Variants in CCSER1 observed in about 807,000 individuals in gnomAD.
CCSER1 encodes serine-rich coiled-coil domain-containing protein 1.
CCSER1 carries 41 observed loss-of-function variants against 82.0 expected under a neutral mutation model. That is an observed-to-expected ratio of 0.50 (90% confidence interval 0.39 to 0.65). The LOEUF (loss-of-function observed/expected upper bound fraction) is 0.65. Ranked by LOEUF, CCSER1 falls within the 30% of genes least tolerant of loss-of-function variation. The pLI is 0.00. For synonymous variants in CCSER1, 414 were observed against 383.9 expected (o/e 1.08, Z -0.92); for missense variants, 1,119 against 1,064.2 (o/e 1.05, Z -0.72).
At chr4:90,657,107 T>C (rs1028025328) in intron 6 of CCSER1, among the ~76,000 whole-genome samples, 3 of 152,116 alleles carry the variant, frequency 2.0e-5, no homozygotes, top group African/African-American at 7.2e-5. Context: ...ACTTCCTTAA[T>C]ATTTATTTTA....
chr4:90,911,321 A>G (rs1159294550), intron 8 of CCSER1: 2 of 456,164 alleles, frequency 4.4e-6, no homozygotes, highest in Admixed American at 2.4e-5. Flanking sequence ...TGAAGATTCT[A>G]CTGATGTCTT....
At chr4:90,998,297 C>T (rs1581293258) in intron 9 of CCSER1, among the ~76,000 whole-genome samples, 2 of 152,106 alleles carry the variant, frequency 1.3e-5, no homozygotes, top group African/African-American at 4.8e-5. Context: ...TCAAGCTCGT[C>T]TCAAACTCCG....
intron 10 of CCSER1, among the ~76,000 whole-genome samples, chr4:91,162,637 C>T (rs934259299): frequency 9.2e-5 from 14 of 152,256 alleles, no homozygotes; most frequent in African/African-American, 3.1e-4. Context: ...AGATATTCAA[C>T]TTCTTCCTGG....
chr4:91,292,303 C>A (rs1743811037), intron 10 of CCSER1, among the ~76,000 whole-genome samples: 1 of 151,906 alleles, frequency 6.6e-6, no homozygotes, highest in Non-Finnish European at 1.5e-5. Flanking sequence ...ATGAATATTG[C>A]TGTTATTTCT....
chr4:90,821,910 G>A (rs1484993857), intron 8 of CCSER1, among the ~76,000 whole-genome samples: 2 of 152,052 alleles, frequency 1.3e-5, no homozygotes, highest in East Asian at 1.9e-4. Context: ...AAATGTTGAT[G>A]GTGAAGTGTA....
At chr4:91,093,514 C>G (rs1372460062) in intron 10 of CCSER1, among the ~76,000 whole-genome samples, 1 of 152,190 alleles carries the variant, frequency 6.6e-6, no homozygotes, top group Non-Finnish European at 1.5e-5. Flanking sequence ...CATGGGGGAC[C>G]TTTATACTTA....
intron 10 of CCSER1, among the ~76,000 whole-genome samples, chr4:91,236,927 C>T (rs1440033533): frequency 6.6e-6 from 1 of 152,148 alleles, no homozygotes; most frequent in Non-Finnish European, 1.5e-5. Context: ...ATGTCACTGA[C>T]ATGAGCAAGA....
rs1737801867 is a variant in CCSER1, at chr4:90,999,505, A to C, written c.2172+76058A>C. On this transcript the variant is annotated intron_variant, in intron 9 of 10. Transcript: ENST00000509176. ...AGTGATGATGAACATTCTTTTATAC[A>C]TTTGTTGGCTACTGTATATCTTCTT... Among the ~76,000 whole-genome samples the C allele has an allele frequency of 2.6e-5, 4 of 151,986 alleles. No individual in the cohort carries two copies. The South Asian group carries it at 8.3e-4, about 31-fold the overall frequency.
At chr4:90,230,206 A>G (rs1272196280) in intron 1 of CCSER1, among the ~76,000 whole-genome samples, 1 of 152,146 alleles carries the variant, frequency 6.6e-6, no homozygotes, top group South Asian at 2.1e-4. Context: ...TCCAAAATTG[A>G]CCACATACTT....
chr4:91,290,242 G>C (rs1001614995), intron 10 of CCSER1, among the ~76,000 whole-genome samples: 2 of 151,986 alleles, frequency 1.3e-5, no homozygotes, highest in Non-Finnish European at 2.9e-5. Context: ...TTAACACTGG[G>C]AGTGGAATGA....
At chr4:90,635,594 G>A (rs747356875) in intron 6 of CCSER1, among the ~76,000 whole-genome samples, 16 of 151,688 alleles carry the variant, frequency 1.1e-4, no homozygotes, top group Non-Finnish European at 2.1e-4. Flanking sequence ...GACTTTAAAT[G>A]TTTATATTCA....
chr4:91,087,753 G>A (rs1161706719), intron 10 of CCSER1, among the ~76,000 whole-genome samples: 1 of 152,066 alleles, frequency 6.6e-6, no homozygotes, highest in African/African-American at 2.4e-5. Flanking sequence ...TGACCAGAAA[G>A]TAAATGTCAA....
Position 90,169,793 on chromosome 4 carries a change from G to A in CCSER1, c.-42+41962G>A, listed in dbSNP as rs1578302438. 2.7e-5 allele frequency among the ~76,000 whole-genome samples: 4 copies of A among 147,180 alleles called. No homozygotes were observed. In the South Asian group the frequency reaches 6.6e-4, roughly 24 times the overall value. On this transcript the variant is annotated intron_variant, in intron 1 of 10. Coordinates refer to ENST00000509176, the MANE Select transcript of CCSER1 (RefSeq NM_001145065.2). The stretch of plus-strand genomic sequence containing the variant: ...CCTTTGTCTACATTCTTTAATTGTG[G>A]ATTTCTATGGGTGTTAATCACTGGG...
At chr4:90,468,202 G>A in intron 4 of CCSER1, 32 bp from the exon 5 acceptor site, 1 of 1,565,432 alleles carries the variant, frequency 6.4e-7, no homozygotes, top group Admixed American at 1.8e-5. Context: ...AAATAATTTT[G>A]ACATTTACAA....
At chr4:90,315,482 T>G (rs927318910) in intron 3 of CCSER1, among the ~76,000 whole-genome samples, 1 of 152,146 alleles carries the variant, frequency 6.6e-6, no homozygotes, top group African/African-American at 2.4e-5. Context: ...TTCAGTTACT[T>G]TACAGTTTAT....
chr4:91,075,840 A>AT (rs796352514), intron 9 of CCSER1, among the ~76,000 whole-genome samples: 9 of 151,626 alleles, frequency 5.9e-5, no homozygotes, highest in South Asian at 2.1e-4. Context: ...TTACAGTATG[A>AT]TTTTTTTTAA....
At chr4:91,466,361 A>G (rs186768341) in intron 10 of CCSER1, among the ~76,000 whole-genome samples, 1 of 152,300 alleles carries the variant, frequency 6.6e-6, no homozygotes, top group Non-Finnish European at 1.5e-5. Flanking sequence ...ACTCAAAATA[A>G]TAAGAGCTAT....
At chr4:91,487,034 A>T (rs1165518841) in intron 10 of CCSER1, among the ~76,000 whole-genome samples, 1 of 152,102 alleles carries the variant, frequency 6.6e-6, no homozygotes, top group Non-Finnish European at 1.5e-5. Context: ...TAAAGAGGTT[A>T]CTTGTATTTT....
intron 3 of CCSER1, among the ~76,000 whole-genome samples, chr4:90,352,798 C>G (rs1351857990): frequency 6.6e-6 from 1 of 151,944 alleles, no homozygotes; most frequent in Admixed American, 6.6e-5. Flanking sequence ...ACCTTGAGGA[C>G]TAAGGAAAAC....
Sources: gnomAD v4.1 joint callset for allele counts (sites outside exome capture counted in the v4.1 genomes callset) on GRCh38, gnomAD v4.1.1 for gene constraint, MANE v1.5 for transcripts, NCBI Gene and HGNC (gene_info 2026-07-23, HGNC 2026-07-21) for gene names.